The following PDE4DIP variants were observed in gnomAD, a reference collection of about 807,000 sequenced individuals.
The protein encoded by PDE4DIP is phosphodiesterase 4D interacting protein.
PDE4DIP carries 59 observed loss-of-function variants against 221.4 expected under a neutral mutation model. That is an observed-to-expected ratio of 0.27 (90% CI 0.22 to 0.33). PDE4DIP has a LOEUF of 0.33. Among genes scored for constraint, PDE4DIP ranks in the 10% least tolerant of loss-of-function variants. PDE4DIP has a pLI of 1.00. For synonymous variants in PDE4DIP, 404 were observed against 815.9 expected (o/e 0.50, Z 8.60); for missense variants, 1,036 against 2,154.2 (o/e 0.48, Z 10.28).
At chr1:148,815,056 A>G (rs1363622503) in intron 1 of PDE4DIP, among the ~76,000 whole-genome samples, 2 of 112,018 alleles carry the variant, frequency 1.8e-5, no homozygotes, top group Admixed American at 1.8e-4. Context: ...GTCGGAGTTA[A>G]GTATTTAAAA....
intron 5 of PDE4DIP, among the ~76,000 whole-genome samples, chr1:148,955,561 C>G (rs2055057651): frequency 6.6e-6 from 1 of 151,992 alleles, no homozygotes; most frequent in South Asian, 2.1e-4. Context: ...ACAAAGATTT[C>G]TGACCATTCT....
intron 1 of PDE4DIP, among the ~76,000 whole-genome samples, chr1:148,928,127 AGCT>A (rs1553466978): frequency 1.3e-5 from 1 of 78,110 alleles, no homozygotes; most frequent in East Asian, 2.7e-4. Context: ...CTTTGCTTAA[AGCT>A]CCCTGATAAG....
intron 20 of PDE4DIP, among the ~76,000 whole-genome samples, chr1:148,980,275 C>T (rs1574798917): frequency 6.6e-6 from 1 of 152,090 alleles, no homozygotes; most frequent in Non-Finnish European, 1.5e-5. Context: ...GCCTGTAGTC[C>T]CAGCTACTCG....
chr1:148,821,821 G>C (rs1669340458), intron 1 of PDE4DIP, among the ~76,000 whole-genome samples: 2 of 149,658 alleles, frequency 1.3e-5, no homozygotes, highest in Admixed American at 6.6e-5. Flanking sequence ...GCCAAGAGTG[G>C]AAGGAAGGGA....
intron 1 of PDE4DIP, among the ~76,000 whole-genome samples, chr1:148,926,783 T>G (rs587627102): frequency 6.6e-6 from 1 of 151,504 alleles, no homozygotes; most frequent in East Asian, 1.9e-4. Flanking sequence ...GACATTTGAA[T>G]TCCTTTAAGT....
rs139257887 is a variant in PDE4DIP, at chr1:149,020,194, C to T, written c.5818C>T (p.Arg1940Ter). 2 of 529,706 alleles carry T rather than the reference C, an allele frequency of 3.8e-6. No individual in the cohort carries two copies. Among genetic ancestry groups the T allele is most frequent in the South Asian group, 2.3e-5 (1 of 43,854 alleles). The allele number at this position is 529,706 out of a possible 1,614,324, so 32.8% of individuals were successfully genotyped here. A position where few individuals can be genotyped will look rare whatever the true frequency, so the allele number is the denominator to read the frequency against. The change falls in exon 36 of 44, where the codon CGA becomes TGA. Residue 1940 changes from arginine (R) to a stop codon, truncating the protein, a stop_gained. Transcript: ENST00000369354. LOFTEE classifies it high-confidence loss of function. ...CCTGAGGGAGGCTCTGCTGTCCTCT[C>T]GATCCCACCTTCAAGAGCTGGAAAA...
chr1:148,937,439 A>G (rs1303765903), intron 4 of PDE4DIP, among the ~76,000 whole-genome samples: 4 of 152,176 alleles, frequency 2.6e-5, no homozygotes, highest in Non-Finnish European at 5.9e-5. Flanking sequence ...AACAGCCACT[A>G]CCACCACCAC....
chr1:149,006,948 TG>T (rs2067216821), intron 27 of PDE4DIP, among the ~76,000 whole-genome samples: 1 of 119,004 alleles, frequency 8.4e-6, no homozygotes, highest in Non-Finnish European at 1.7e-5. Flanking sequence ...GTGATCTGCC[TG>T]CCTTGGCCTC....
chr1:148,955,821 C>T (rs1337362364), intron 5 of PDE4DIP, among the ~76,000 whole-genome samples: 1 of 151,876 alleles, frequency 6.6e-6, no homozygotes, highest in African/African-American at 2.4e-5. Context: ...AGTGTATGAC[C>T]TTTCTGCTGT....
chr1:148,877,092 G>A (rs1270741251), intron 3 of PDE4DIP, among the ~76,000 whole-genome samples: 18 of 147,034 alleles, frequency 1.2e-4, no homozygotes, highest in South Asian at 4.2e-4. Flanking sequence ...TACAATATTA[G>A]TACTCAAGGT....
At position 149,005,096 on chromosome 1, in the gene PDE4DIP, C is replaced by CA. The variant is rs1553592849; in HGVS notation, c.4077dup (p.Asp1360ArgfsTer28). 1 of 1,613,130 alleles carries CA rather than the reference C, an allele frequency of 6.2e-7. No individual in the cohort carries two copies. Among genetic ancestry groups the CA allele is most frequent in the Non-Finnish European group, 8.5e-7 (1 of 1,179,218 alleles). ...ACATCTTGGTCCTACGAAAGGACATCAAAGATCTGAAGGCCCAGCTGCAGA... is the reference window on the plus strand; with the variant it reads ...ACATCTTGGTCCTACGAAAGGACATCAAAAGATCTGAAGGCCCAGCTGCAGA... On this transcript the variant is annotated frameshift_variant, in exon 27 of 44. Coordinates refer to ENST00000369354, the Ensembl canonical transcript of PDE4DIP. LOFTEE classifies it high-confidence loss of function.
Position 148,974,952 on chromosome 1 carries a change from C to T in PDE4DIP, c.2319+347C>T, listed in dbSNP as rs587649732. Among the ~76,000 whole-genome samples, 14 of 88,116 alleles carry T rather than the reference C, an allele frequency of 1.6e-4. No individual in the cohort carries two copies. In the South Asian group the frequency reaches 3.3e-3, roughly 21 times the overall value. 57.8% of individuals were successfully genotyped at this position (88,116 alleles called of 152,430 possible). On this transcript the variant is annotated intron_variant, in intron 17 of 43. Coordinates refer to ENST00000369354, the Ensembl canonical transcript of PDE4DIP. ...GCCGAGGTGGGCGGATCACTTGATC[C>T]GCTCGAACAGGAGTTCGAGACCAGC...
chr1:148,967,851 G>A, exon 13 of PDE4DIP: 1 of 1,124,598 alleles, frequency 8.9e-7, no homozygotes, highest in Non-Finnish European at 1.4e-6. Flanking sequence ...AGGAACAAGA[G>A]AGTATCATTC....
chr1:148,817,716 TA>T (rs1432387202), intron 1 of PDE4DIP, among the ~76,000 whole-genome samples: 1 of 82,328 alleles, frequency 1.2e-5, no homozygotes, highest in African/African-American at 5.8e-5. Context: ...TTAAGTTCAC[TA>T]ACTTTTTCTT....
At chr1:148,893,163 G>T (rs1553438878) in intron 1 of PDE4DIP, among the ~76,000 whole-genome samples, 2 of 140,592 alleles carry the variant, frequency 1.4e-5, no homozygotes, top group African/African-American at 2.7e-5. Context: ...TGTTGCCCAG[G>T]CTGGTCTCAA....
chr1:148,861,364 C>T (rs1180248547), intron 1 of PDE4DIP, among the ~76,000 whole-genome samples: 1 of 15,858 alleles, frequency 6.3e-5, no homozygotes, highest in Admixed American at 5.4e-4. Flanking sequence ...GTAGGCTGGG[C>T]GCAGTGGCTC....
chr1:148,985,529 G>A (rs1453742171), intron 21 of PDE4DIP: 1 of 152,072 alleles, frequency 6.6e-6, no homozygotes, highest in African/African-American at 2.4e-5. Context: ...ACTTCTCCCT[G>A]TTCTCACCTG....
chr1:148,953,500 C>T lies in PDE4DIP; in HGVS notation c.637-7154C>T, dbSNP rs145194912. The T allele has an allele frequency of 5.6e-6, 9 of 1,613,244 alleles. No homozygotes were observed. In the African/African-American group the frequency reaches 1.1e-4, roughly 19 times the overall value. ...GCATGGAGGAAGAGACGCCTGGTTC[C>T]TCTGTGGAATCTTTGGATGCAAGCG... On this transcript the variant is annotated intron_variant, in intron 5 of 43. Coordinates refer to ENST00000369354, the Ensembl canonical transcript of PDE4DIP.
chr1:148,973,419 T>C (rs1171443402), intron 16 of PDE4DIP, among the ~76,000 whole-genome samples: 1 of 151,206 alleles, frequency 6.6e-6, no homozygotes, highest in Non-Finnish European at 1.5e-5. Flanking sequence ...TGTGAGCCAC[T>C]GCGCCCAGCC....
Sources: allele counts gnomAD v4.1 joint callset (sites outside exome capture counted in the v4.1 genomes callset), GRCh38; gene constraint gnomAD v4.1.1; transcripts MANE v1.5; gene names NCBI Gene and HGNC (gene_info 2026-07-23, HGNC 2026-07-21).